Variants in BRINP2 observed in about 807,000 individuals in gnomAD.
BRINP2 encodes BMP/retinoic acid-inducible neural-specific protein 2.
A neutral mutation model predicts 69.2 loss-of-function variants in BRINP2; 21 were observed. That is an observed-to-expected ratio of 0.30 (90% CI 0.22 to 0.44). BRINP2 has a LOEUF of 0.44. Among genes scored for constraint, BRINP2 ranks in the 20% least tolerant of loss-of-function variants. BRINP2 has a pLI of 1.00. For missense variants in BRINP2, 877 were observed against 986.0 expected (o/e 0.89, Z 1.48); for synonymous variants, 380 against 394.1 (o/e 0.96, Z 0.42).
chr1:177,198,564 A>G (rs1220275312), intron 1 of BRINP2, among the ~76,000 whole-genome samples: 1 of 152,232 alleles, frequency 6.6e-6, no homozygotes, highest in Non-Finnish European at 1.5e-5. Context: ...TCCTCCAAAT[A>G]TGGCAGGCTG....
At chr1:177,256,573 T>A in intron 3 of BRINP2, 2 of 985,402 alleles carry the variant, frequency 2.0e-6, no homozygotes, top group African/African-American at 3.5e-5. Flanking sequence ...ATCATCCTCT[T>A]GTGGGGCGGA....
chr1:177,278,641 T>G lies in BRINP2; in HGVS notation c.1091T>G (p.Met364Arg), dbSNP rs906810265. 3.1e-6 allele frequency: 5 copies of G among 1,614,096 alleles called. No homozygotes were observed. Among genetic ancestry groups the G allele is most frequent in the Non-Finnish European group, 4.2e-6 (5 of 1,180,054 alleles). Residue 364 changes from methionine to arginine, a missense_variant, in exon 7 of 8, where the codon ATG (methionine) becomes AGG (arginine). Physicochemically the swap from Met to Arg is moderately conservative, Grantham distance 91. This residue lies in a region of BRINP2 where 566 missense variants were observed against 625.2 expected (regional missense o/e 0.91). Transcript: ENST00000361539. ...NSTAISQFWA[M>R]DTSLQHRYQQ... ...ACAGCTATCTCCCAGTTCTGGGCCA[T>G]GGACACCAGCCTTCAGCACCGCTAC...
chr1:177,200,252 C>T (rs1182910513), intron 1 of BRINP2, among the ~76,000 whole-genome samples: 1 of 122,258 alleles, frequency 8.2e-6, no homozygotes, highest in Admixed American at 1.0e-4. Flanking sequence ...AGATTGCGCC[C>T]TTGCTCTCCA....
chr1:177,255,422 G>A (rs961375082), intron 2 of BRINP2, among the ~76,000 whole-genome samples: 8 of 152,172 alleles, frequency 5.3e-5, no homozygotes, highest in African/African-American at 1.4e-4. Context: ...CAAATATGGG[G>A]ATTCAATAAT....
At chr1:177,228,591 C>T (rs1649771283) in intron 1 of BRINP2, among the ~76,000 whole-genome samples, 1 of 152,148 alleles carries the variant, frequency 6.6e-6, no homozygotes, top group African/African-American at 2.4e-5. Flanking sequence ...TGGGCTTTGG[C>T]AGTCAGAGAA....
chr1:177,188,104 T>C (rs1442712142), intron 1 of BRINP2, among the ~76,000 whole-genome samples: 1 of 150,524 alleles, frequency 6.6e-6, no homozygotes, highest in African/African-American at 2.5e-5. Context: ...GCTTGATAAA[T>C]AACAACTATC....
chr1:177,204,539 G>A (rs1649015981), intron 1 of BRINP2, among the ~76,000 whole-genome samples: 1 of 152,100 alleles, frequency 6.6e-6, no homozygotes, highest in Admixed American at 6.6e-5. Flanking sequence ...TTAAGAAAGA[G>A]GCAATGATCA....
rs11802252 is a variant in BRINP2, at chr1:177,192,340, G to A, written c.-77+20608G>A. 2.9e-3 allele frequency among the ~76,000 whole-genome samples: 439 copies of A among 152,282 alleles called. 5 individuals are homozygous for A. The highest frequency in any genetic ancestry group is 0.01 in the African/African-American group (425 of 41,556). ...GATGGCCCACTGCATATCTCATCAT[G>A]TCTCTCAGTGTACCAGGTCATGCAC... On this transcript the variant is annotated intron_variant, in intron 1 of 7. Coordinates refer to ENST00000361539, the MANE Select transcript of BRINP2 (RefSeq NM_021165.4).
chr1:177,186,583 A>G (rs1485432858), intron 1 of BRINP2, among the ~76,000 whole-genome samples: 1 of 152,034 alleles, frequency 6.6e-6, no homozygotes, highest in Non-Finnish European at 1.5e-5. Context: ...TGTAGAGGTA[A>G]TGGAGGTCAA....
intron 1 of BRINP2, among the ~76,000 whole-genome samples, chr1:177,225,731 G>A (rs533982635): frequency 1.3e-5 from 2 of 152,278 alleles, no homozygotes; most frequent in South Asian, 4.1e-4. Context: ...CAACTATTTT[G>A]TCCATTTTTA....
chr1:177,184,238 C>A (rs191686806), intron 1 of BRINP2, among the ~76,000 whole-genome samples: 6 of 152,294 alleles, frequency 3.9e-5, no homozygotes, highest in Non-Finnish European at 8.8e-5. Flanking sequence ...CCTGTCATTT[C>A]TCACCTTAAA....
At position 177,235,886 on chromosome 1, in the gene BRINP2, G is replaced by A. The variant is rs114159656; in HGVS notation, c.269+5741G>A. 3.4e-3 allele frequency among the ~76,000 whole-genome samples: 523 copies of A among 152,290 alleles called. 5 individuals are homozygous for A. Among genetic ancestry groups the A allele is most frequent in the African/African-American group, 0.012 (491 of 41,550 alleles). ...AAAAAGGAAGGAGGTTAGCTCTTCCGCATAAACCACCAGGCCCAAAGTAAA... is the reference window on the plus strand; with the variant it reads ...AAAAAGGAAGGAGGTTAGCTCTTCCACATAAACCACCAGGCCCAAAGTAAA... On this transcript the variant is annotated intron_variant, in intron 2 of 7. Transcript: ENST00000361539.
intron 4 of BRINP2, among the ~76,000 whole-genome samples, chr1:177,258,387 T>C (rs1192971087): frequency 6.6e-6 from 1 of 152,244 alleles, no homozygotes; most frequent in African/African-American, 2.4e-5. Flanking sequence ...ACTGAGCACG[T>C]ATTATTTGTC....
chr1:177,175,619 A>G (rs1423136583), intron 1 of BRINP2, among the ~76,000 whole-genome samples: 1 of 152,180 alleles, frequency 6.6e-6, no homozygotes, highest in Non-Finnish European at 1.5e-5. Flanking sequence ...GGAAGTTCCC[A>G]TTGAACATGA....
intron 2 of BRINP2, among the ~76,000 whole-genome samples, chr1:177,248,472 CGTGTGT>C (rs144093275): frequency 8.5e-6 from 1 of 117,604 alleles, no homozygotes; most frequent in African/African-American, 3.2e-5. Flanking sequence ...TGTGTGTGTG[CGTGTGT>C]GTGTGTGTGT....
At chr1:177,231,258 C>T (rs963514888) in intron 2 of BRINP2, among the ~76,000 whole-genome samples, 1 of 152,212 alleles carries the variant, frequency 6.6e-6, no homozygotes, top group Non-Finnish European at 1.5e-5. Flanking sequence ...AGTTAAGCAA[C>T]TTGCTGAAGG....
intron 4 of BRINP2, among the ~76,000 whole-genome samples, chr1:177,258,356 T>A (rs971545648): frequency 1.3e-5 from 2 of 152,250 alleles, no homozygotes; most frequent in Non-Finnish European, 2.9e-5. Flanking sequence ...GTTTATTTAT[T>A]AATTCATTCA....
At chr1:177,189,348 G>A (rs761808799) in intron 1 of BRINP2, among the ~76,000 whole-genome samples, 1 of 151,990 alleles carries the variant, frequency 6.6e-6, no homozygotes, top group Non-Finnish European at 1.5e-5. Context: ...TTTGGTAACT[G>A]AGACCTTCAG....
intron 1 of BRINP2, among the ~76,000 whole-genome samples, chr1:177,193,619 G>A (rs1648654272): frequency 6.6e-6 from 1 of 152,158 alleles, no homozygotes; most frequent in African/African-American, 2.4e-5. Context: ...TTAGCATGGA[G>A]AAGGAAATAA....
Sources: gnomAD v4.1 joint callset for allele counts (sites outside exome capture counted in the v4.1 genomes callset) on GRCh38, gnomAD v4.1.1 for gene constraint, gnomAD v4.1.1 regional missense constraint, MANE v1.5 for transcripts, NCBI Gene and HGNC (gene_info 2026-07-23, HGNC 2026-07-21) for gene names.